Variants in ZNF577 observed in about 807,000 individuals in gnomAD.
ZNF577 encodes zinc finger protein 577.
ZNF577 carries 14 observed loss-of-function variants against 13.9 expected under a neutral mutation model. That is an observed-to-expected ratio of 1.00 (90% confidence interval 0.66 to 1.57). The LOEUF is 1.57. Ranked by LOEUF, ZNF577 falls within the 40% of genes most tolerant of loss-of-function variation. The pLI is 0.00. For synonymous variants in ZNF577, 203 were observed against 202.9 expected (o/e 1.00, Z 0.00); for missense variants, 555 against 579.2 (o/e 0.96, Z 0.43).
intron 9 of ZNF577, among the ~76,000 whole-genome samples, chr19:51,838,454 C>T (rs1023390745): frequency 9.9e-5 from 15 of 151,054 alleles, no homozygotes; most frequent in African/African-American, 3.6e-4. Context: ...CTAAATTATT[C>T]GTTGTGCACA....
chr19:51,876,483 G>C (rs1016506902), intron 5 of ZNF577, among the ~76,000 whole-genome samples: 1 of 152,010 alleles, frequency 6.6e-6, no homozygotes, highest in South Asian at 2.1e-4. Context: ...TGGAAAGGCG[G>C]GGAGCAGTGG....
chr19:51,847,842 C>G (rs2084360773), intron 5 of ZNF577, among the ~76,000 whole-genome samples: 1 of 152,200 alleles, frequency 6.6e-6, no homozygotes, highest in African/African-American at 2.4e-5. Flanking sequence ...GAAGGCAAAG[C>G]TTCCATACGT....
At chr19:51,829,123 T>C (rs10500309) in intron 9 of ZNF577, among the ~76,000 whole-genome samples, 64,388 of 151,864 alleles carry the variant, frequency 0.42, 13,826 homozygotes, top group South Asian at 0.58. Flanking sequence ...TGAAACTCTA[T>C]GTCCATCTCT....
downstream of ZNF577, chr19:51,862,729 C>T (rs1421663306): frequency 6.6e-6 from 1 of 152,078 alleles, no homozygotes; most frequent in African/African-American, 2.4e-5. Flanking sequence ...ACATTGAATG[C>T]ATTAATAGGG....
At chr19:51,835,614 AATTAAT>A (rs932113145) in intron 9 of ZNF577, among the ~76,000 whole-genome samples, 49 of 152,322 alleles carry the variant, frequency 3.2e-4, no homozygotes, top group African/African-American at 1.1e-3. Context: ...CTGAAGTTAA[AATTAAT>A]ATTAATAAAT....
At chr19:51,864,159 C>T (rs780668240), downstream of ZNF577, among the ~76,000 whole-genome samples, 2 of 152,274 alleles carry the variant, frequency 1.3e-5, no homozygotes, top group Non-Finnish European at 2.9e-5. Context: ...TAGGCTTGCA[C>T]CCTGTGAATG....
At chr19:51,849,826 A>G (rs1343535744) in intron 5 of ZNF577, among the ~76,000 whole-genome samples, 3 of 152,236 alleles carry the variant, frequency 2.0e-5, no homozygotes, top group African/African-American at 7.2e-5. Flanking sequence ...ATGCCTATCA[A>G]CTGGTGCAGA....
At chr19:51,885,272 C>T (rs1387137669) in intron 1 of ZNF577, among the ~76,000 whole-genome samples, 2 of 152,166 alleles carry the variant, frequency 1.3e-5, no homozygotes, top group African/African-American at 2.4e-5. Context: ...ATTGCAGAAC[C>T]TAGTAGATGC....
At chr19:51,839,929 C>G (rs2084310908) in exon 9 of ZNF577, 2 of 152,260 alleles carry the variant, frequency 1.3e-5, no homozygotes, top group South Asian at 4.1e-4. Flanking sequence ...CGCTTGAGGA[C>G]TAGCAGGTTT....
Position 51,824,326 on chromosome 19 carries a change from T to C in ZNF577, c.*600-12652A>G, listed in dbSNP as rs866353243. 2.5e-6 allele frequency: 4 copies of C among 1,614,170 alleles called. No homozygotes were observed. In the Middle Eastern group the frequency reaches 5.0e-4, roughly 200 times the overall value. On this transcript the variant is annotated intron_variant and NMD_transcript_variant, in intron 9 of 10. Transcript: ENST00000638827. The surrounding 1 kb of genome is among the most constrained non-coding windows in gnomAD (Gnocchi z 4.7). ...GACACTGCTGTAGAGAGGTTGAACG[T>C]GTTCATTACCATGGCCAAGGTCTTT...
chr19:51,814,442 G>A (rs556854689), intron 9 of ZNF577, among the ~76,000 whole-genome samples: 10 of 152,228 alleles, frequency 6.6e-5, no homozygotes, highest in East Asian at 1.9e-4. Flanking sequence ...ATTGGATAAC[G>A]GGTACTCTCT....
intron 9 of ZNF577, among the ~76,000 whole-genome samples, chr19:51,829,560 A>T (rs367993531): frequency 6.6e-6 from 1 of 152,154 alleles, no homozygotes; most frequent in East Asian, 1.9e-4. Context: ...TCCTTTTCCT[A>T]TAATTTATCT....
chr19:51,821,489 C>T (rs1439641516), intron 9 of ZNF577, among the ~76,000 whole-genome samples: 2 of 152,126 alleles, frequency 1.3e-5, no homozygotes, highest in South Asian at 2.1e-4. Context: ...CAAAGAATTA[C>T]ACAGCCCCAA....
intron 9 of ZNF577, among the ~76,000 whole-genome samples, chr19:51,818,506 C>T (rs967529910): frequency 2.6e-5 from 4 of 152,128 alleles, no homozygotes; most frequent in African/African-American, 9.7e-5. Context: ...AATAAATGAA[C>T]AAACAAATAA....
chr19:51,814,632 T>C (rs2084121169), intron 9 of ZNF577, among the ~76,000 whole-genome samples: 1 of 152,088 alleles, frequency 6.6e-6, no homozygotes, highest in African/African-American at 2.4e-5. Context: ...CAGCTGGGAC[T>C]ACAGGCATGT....
chr19:51,823,294 G>T (rs1380162002), intron 9 of ZNF577, among the ~76,000 whole-genome samples: 3 of 152,176 alleles, frequency 2.0e-5, no homozygotes, highest in Non-Finnish European at 4.4e-5. Context: ...ACAGTGGGAG[G>T]GACAGGAGCT....
intron 1 of ZNF577, among the ~76,000 whole-genome samples, chr19:51,882,723 G>A (rs78343540): frequency 0.015 from 2,270 of 152,102 alleles, 72 homozygotes; most frequent in African/African-American, 0.052. Flanking sequence ...GTTCCAGGCT[G>A]AATTGAGTTT....
Position 51,869,375 on chromosome 19 carries a change from T to C in ZNF577, c.*3157A>G, listed in dbSNP as rs181876688. The stretch of plus-strand genomic sequence containing the variant: ...AAGTCAAACATAAATCTGGCCTATG[T>C]GCACATCGAGGCACAGCACCTTTCC... On this transcript the variant is annotated 3_prime_UTR_variant, in exon 6 of 6. Coordinates refer to ENST00000638348, the MANE Select transcript of ZNF577 (RefSeq NM_001370449.1). Among the ~76,000 whole-genome samples the C allele has an allele frequency of 6.5e-4, 99 of 152,314 alleles. No individual in the cohort carries two copies. Among genetic ancestry groups the C allele is most frequent in the Non-Finnish European group, 1.1e-3 (74 of 68,030 alleles).
intron 9 of ZNF577, among the ~76,000 whole-genome samples, chr19:51,830,838 C>T (rs2084257595): frequency 6.6e-6 from 1 of 152,098 alleles, no homozygotes; most frequent in Admixed American, 6.6e-5. Flanking sequence ...GTAATGTGTT[C>T]CTATAACTTG....
Sources: allele counts gnomAD v4.1 joint callset (sites outside exome capture counted in the v4.1 genomes callset), GRCh38; gene constraint gnomAD v4.1.1; non-coding constraint Gnocchi (gnomAD v3.1); transcripts MANE v1.5; gene names NCBI Gene and HGNC (gene_info 2026-07-23, HGNC 2026-07-21).